Variants in PPP2R2C observed in about 807,000 individuals in gnomAD.
The protein encoded by PPP2R2C is protein phosphatase 2, regulatory subunit B, gamma.
In PPP2R2C, 10 loss-of-function variants were observed where a neutral mutation model predicts 45.3. The ratio of observed to expected loss-of-function variants is 0.22; its 90% CI spans 0.14 to 0.37. The LOEUF is 0.37. Ranked by LOEUF, PPP2R2C falls within the 10% of genes least tolerant of loss-of-function variation. PPP2R2C has a pLI of 1.00. For synonymous variants in PPP2R2C, 257 were observed against 245.4 expected, an observed-to-expected ratio of 1.05 and a Z score of -0.44; for missense variants, 308 against 619.7, an observed-to-expected ratio of 0.50 and a Z score of 5.34.
At chr4:6,443,779 C>G (rs919053614) in intron 1 of PPP2R2C, among the ~76,000 whole-genome samples, 2 of 152,132 alleles carry the variant, frequency 1.3e-5, no homozygotes, top group South Asian at 2.1e-4. Context: ...ACCCCACCGC[C>G]CCCCCGGAGT....
At chr4:6,531,975 A>C (rs1724418503) in intron 2 of PPP2R2C, among the ~76,000 whole-genome samples, 1 of 152,164 alleles carries the variant, frequency 6.6e-6, no homozygotes, top group South Asian at 2.1e-4. Flanking sequence ...GATAGAACCC[A>C]CCCAGTATGG....
At position 6,328,975 on chromosome 4, in the gene PPP2R2C, C is replaced by T. The variant is rs568227403; in HGVS notation, c.1052+287G>A. Among the ~76,000 whole-genome samples, 6 of 152,326 alleles carry T rather than the reference C, an allele frequency of 3.9e-5. No homozygotes were observed. The highest frequency in any genetic ancestry group is 2.1e-4 in the South Asian group (1 of 4,834). On this transcript the variant is annotated intron_variant, in intron 8 of 8. Coordinates refer to ENST00000382599, the MANE Select transcript of PPP2R2C (RefSeq NM_020416.4). This position sits in a 1 kb window ranked among gnomAD's most constrained non-coding sequence, Gnocchi z 4.4. Reference sequence around the variant, plus strand: ...AAGCTGGGAGAGGGGAGCACATCACCGGGGACCCTGAATTAACTAAACATG... The same window carrying T: ...AAGCTGGGAGAGGGGAGCACATCACTGGGGACCCTGAATTAACTAAACATG...
rs549586486 is a variant in PPP2R2C, at chr4:6,345,620, G to A, written c.790+2226C>T. Among the ~76,000 whole-genome samples the A allele has an allele frequency of 2.2e-4, 33 of 152,254 alleles. No homozygotes were observed. The highest frequency in any genetic ancestry group is 7.5e-4 in the African/African-American group (31 of 41,544). The stretch of plus-strand genomic sequence containing the variant: ...GGGGCCACGTGCCAGGGAACGCAGC[G>A]CCTCTAGAAGCCAGAAGAGGCAGGG... On this transcript the variant is annotated intron_variant, in intron 6 of 8. Coordinates refer to ENST00000382599, the MANE Select transcript of PPP2R2C (RefSeq NM_020416.4). The surrounding 1 kb of genome is among the most constrained non-coding windows in gnomAD (Gnocchi z 5.3).
intron 1 of PPP2R2C, among the ~76,000 whole-genome samples, chr4:6,402,959 T>C (rs1717524029): frequency 1.3e-5 from 2 of 152,184 alleles, no homozygotes; most frequent in African/African-American, 4.8e-5. Flanking sequence ...GAAAGACCAA[T>C]GCAGCAGAGG....
chr4:6,405,542 C>A (rs75157866), intron 1 of PPP2R2C, among the ~76,000 whole-genome samples: 1 of 152,186 alleles, frequency 6.6e-6, no homozygotes, highest in Non-Finnish European at 1.5e-5. Flanking sequence ...AGGGCAACCC[C>A]GTGCAGAGCA....
exon 2 of PPP2R2C, chr4:6,535,359 T>C: frequency 6.5e-7 from 1 of 1,530,150 alleles, no homozygotes; most frequent in Non-Finnish European, 8.7e-7. Context: ...TCAAAAAAGG[T>C]CTTCTTTCTA....
intron 5 of PPP2R2C, among the ~76,000 whole-genome samples, chr4:6,360,906 T>C (rs1372524519): frequency 6.6e-6 from 1 of 152,212 alleles, no homozygotes; most frequent in Non-Finnish European, 1.5e-5. Flanking sequence ...CTTCTCCTTG[T>C]GTCCTCACAT....
chr4:6,461,308 G>C (rs887472959), intron 1 of PPP2R2C, among the ~76,000 whole-genome samples: 3 of 152,204 alleles, frequency 2.0e-5, no homozygotes, highest in Admixed American at 6.5e-5. Flanking sequence ...GAATGTAAAG[G>C]TTTGTTTTGT....
In PPP2R2C at chr4:6,372,773, T is replaced by C. The variant is rs1222182203; in HGVS notation, c.448-73A>G. 10 of 1,480,224 alleles carry C rather than the reference T, an allele frequency of 6.8e-6. No individual in the cohort carries two copies. The Admixed American group carries it at 1.5e-4, about 23-fold the overall frequency. The allele number at this position is 1,480,224 out of a possible 1,614,324, so 91.7% of individuals were successfully genotyped here. A position where few individuals can be genotyped will look rare whatever the true frequency, so the allele number is the denominator to read the frequency against. On this transcript the variant is annotated intron_variant, in intron 4 of 8. Transcript: ENST00000382599. ...ATCAGGACATAGCATGCCGTGAGCA[T>C]GTGATCCCAACCGGAGGCTGGAACA...
At chr4:6,498,887 T>C (rs935432833) in intron 2 of PPP2R2C, among the ~76,000 whole-genome samples, 6 of 152,156 alleles carry the variant, frequency 3.9e-5, no homozygotes, top group Admixed American at 2.0e-4. Context: ...TCTGATCTTT[T>C]TGGTGACAGA....
chr4:6,407,480 C>T (rs1343738327), intron 1 of PPP2R2C, among the ~76,000 whole-genome samples: 2 of 152,316 alleles, frequency 1.3e-5, no homozygotes. Context: ...ACTGCAACCT[C>T]GCCTGCTGGG....
At chr4:6,545,392 A>G (rs1480950641) in intron 1 of PPP2R2C, among the ~76,000 whole-genome samples, 1 of 152,234 alleles carries the variant, frequency 6.6e-6, no homozygotes, top group Admixed American at 6.5e-5. Context: ...AATGCCTAAA[A>G]GGTGCAGGCC....
In PPP2R2C at chr4:6,346,452, T is replaced by C. The variant is rs527309030; in HGVS notation, c.790+1394A>G. Among the ~76,000 whole-genome samples the C allele has an allele frequency of 3.9e-4, 60 of 152,288 alleles. 1 individual carries two copies. Among genetic ancestry groups the C allele is most frequent in the Non-Finnish European group, 6.8e-4 (46 of 68,012 alleles). On this transcript the variant is annotated intron_variant, in intron 6 of 8. Transcript: ENST00000382599. The stretch of plus-strand genomic sequence containing the variant: ...CCCTCCCTGACCCCCTCTGTCCCTG[T>C]ACCTGACTTTGTGGGTGTTGGTGCC...
At position 6,511,598 on chromosome 4, in the gene PPP2R2C, TGGG is replaced by T. The variant is rs1379620747; in HGVS notation, c.49+23670_49+23672del. On this transcript the variant is annotated intron_variant, in intron 2 of 9. Coordinates refer to the PPP2R2C transcript ENST00000506140. ...ATGGCGGTGGTGGTGGTGGTGGTGA[TGGG>T]GGTGGTGGTGGTGGTGATGGTGGTG... Among the ~76,000 whole-genome samples the T allele has an allele frequency of 5.3e-4, 7 of 13,122 alleles. 1 individual carries two copies. The highest frequency in any genetic ancestry group is 2.1e-3 in the Admixed American group (2 of 964). The allele number at this position is 13,122 out of a possible 152,430, so 8.6% of individuals were successfully genotyped here. A position where few individuals can be genotyped will look rare whatever the true frequency, so the allele number is the denominator to read the frequency against.
At chr4:6,501,828 T>C (rs568158903) in intron 2 of PPP2R2C, among the ~76,000 whole-genome samples, 2 of 152,330 alleles carry the variant, frequency 1.3e-5, no homozygotes, top group South Asian at 4.1e-4. Context: ...ATGGAGCACC[T>C]GGTCCAAACA....
chr4:6,332,053 G>A lies in PPP2R2C; in HGVS notation c.960+1509C>T, dbSNP rs558926518. On this transcript the variant is annotated intron_variant, in intron 7 of 8. Coordinates refer to ENST00000382599, the MANE Select transcript of PPP2R2C (RefSeq NM_020416.4). The surrounding 1 kb of genome is among the most constrained non-coding windows in gnomAD (Gnocchi z 4.9). ...TCCAGAACAGTCATTCCCCTCCTTCGTGGGGTCCTTCATGAGAATTTCAGA... is the reference window on the plus strand; with the variant it reads ...TCCAGAACAGTCATTCCCCTCCTTCATGGGGTCCTTCATGAGAATTTCAGA... Among the ~76,000 whole-genome samples the A allele has an allele frequency of 2.0e-5, 3 of 152,286 alleles. No individual in the cohort carries two copies. Among genetic ancestry groups the A allele is most frequent in the East Asian group, 1.9e-4 (1 of 5,188 alleles).
intron 2 of PPP2R2C, among the ~76,000 whole-genome samples, chr4:6,519,215 A>G (rs1723934596): frequency 6.6e-6 from 1 of 152,136 alleles, no homozygotes; most frequent in Admixed American, 6.5e-5. Flanking sequence ...CTATGTTGGG[A>G]GACCAAGTTT....
At chr4:6,556,941 G>C (rs1357979027) in intron 1 of PPP2R2C, among the ~76,000 whole-genome samples, 2 of 152,150 alleles carry the variant, frequency 1.3e-5, no homozygotes, top group Non-Finnish European at 2.9e-5. Flanking sequence ...AATGCCTCCT[G>C]TGGGCAAAAC....
chr4:6,357,076 G>A (rs1713271335), intron 5 of PPP2R2C, among the ~76,000 whole-genome samples: 1 of 148,392 alleles, frequency 6.7e-6, no homozygotes, highest in Admixed American at 6.7e-5. Context: ...TGCTGGGCAG[G>A]GAAAGGCTGT....
Sources: allele counts gnomAD v4.1 joint callset (sites outside exome capture counted in the v4.1 genomes callset), GRCh38; gene constraint gnomAD v4.1.1; non-coding constraint Gnocchi (gnomAD v3.1); transcripts MANE v1.5; gene names NCBI Gene and HGNC (gene_info 2026-07-23, HGNC 2026-07-21).